KIF4A: variants seen among roughly 807,000 people sequenced by gnomAD.
The protein encoded by KIF4A is kinesin family member 4A, also known as chromosome-associated kinesin KIF4A.
Under a neutral mutation model 105.9 loss-of-function variants are expected in KIF4A, and 7 were observed. The observed-to-expected ratio is 0.07, with a 90% CI of 0.04 to 0.12. KIF4A has a LOEUF of 0.12. Ranked by LOEUF, KIF4A falls within the 10% of genes least tolerant of loss-of-function variation. The pLI is 1.00. For synonymous variants in KIF4A, 281 were observed against 331.3 expected (o/e 0.85, Z 1.65); for missense variants, 558 against 929.2 (o/e 0.60, Z 5.19).
intron 15 of KIF4A, among the ~76,000 whole-genome samples, chrX:70,355,858 C>T (rs769284787): frequency 8.9e-6 from 1 of 111,784 alleles, no homozygotes; most frequent in Non-Finnish European, 1.9e-5. Context: ...AGCTCTCATA[C>T]GTTTTCAGAG....
intron 13 of KIF4A, among the ~76,000 whole-genome samples, chrX:70,344,436 T>A (rs932539366): frequency 1.8e-5 from 2 of 111,660 alleles, no homozygotes; most frequent in Non-Finnish European, 3.8e-5. Flanking sequence ...TAAGTTCCCA[T>A]TTTTGTTTAT....
chrX:70,412,127 TGGCATTCACGC>T (rs762475483), intron 28 of KIF4A, among the ~76,000 whole-genome samples: 2 of 111,693 alleles, frequency 1.8e-5, no homozygotes, highest in East Asian at 5.6e-4. Context: ...CTCATGTACC[TGGCATTCACGC>T]AACTACATCT....
rs2085982011 is a variant in KIF4A at position 70,343,958 on chromosome X, G to T, written c.1407G>T (p.Leu469=). 1 of 1,205,246 alleles carries T rather than the reference G, an allele frequency of 8.3e-7. No homozygotes were observed. Among genetic ancestry groups the T allele is most frequent in the Non-Finnish European group, 1.1e-6 (1 of 889,871 alleles). ...AAAATGTAGAGATAATTTGTAACCT[G>T]CAGCAATTGATTACCCAGTTATCGG... is the stretch of plus-strand genomic sequence containing the variant. ...LKENVEIICN[L]QQLITQLSDE... The change falls in exon 13 of 31, where the codon CTG becomes CTT. Residue 469 remains leucine, a synonymous_variant. Coordinates refer to ENST00000374403, the MANE Select transcript of KIF4A (RefSeq NM_012310.5).
chrX:70,333,071 G>A (rs751005251), intron 9 of KIF4A, among the ~76,000 whole-genome samples: 3 of 111,019 alleles, frequency 2.7e-5, no homozygotes, highest in East Asian at 5.7e-4. Context: ...AGGAGCAGTG[G>A]CTTACATGTG....
chrX:70,408,166 A>G (rs2086307980), intron 28 of KIF4A, among the ~76,000 whole-genome samples: 1 of 111,249 alleles, frequency 9.0e-6, no homozygotes, highest in South Asian at 3.8e-4. Context: ...AGGTCGTAAA[A>G]CTAAGTGATA....
intron 15 of KIF4A, chrX:70,362,247 A>T (rs1200350657): frequency 2.8e-6 from 1 of 359,419 alleles, no homozygotes; most frequent in Non-Finnish European, 5.5e-6. Flanking sequence ...CATTGAGGAG[A>T]TCTTCTCATC....
intron 13 of KIF4A, among the ~76,000 whole-genome samples, chrX:70,345,889 G>A (rs1476779412): frequency 1.8e-5 from 2 of 111,089 alleles, no homozygotes; most frequent in African/African-American, 3.3e-5. Flanking sequence ...TATCAGCAAT[G>A]TAAGCAAAGT....
At chrX:70,400,957 C>T (rs1445747297) in intron 22 of KIF4A, among the ~76,000 whole-genome samples, 1 of 107,889 alleles carries the variant, frequency 9.3e-6, no homozygotes, top group Non-Finnish European at 1.9e-5. Context: ...TTAGTAGATA[C>T]GGGGTTTCAC....
At position 70,294,441 on chromosome X, in the gene KIF4A, C is replaced by T. The variant is rs190166155; in HGVS notation, c.236-2557C>T. On this transcript the variant is annotated intron_variant, in intron 3 of 30. Coordinates refer to ENST00000374403, the MANE Select transcript of KIF4A (RefSeq NM_012310.5). ...ACTAAACACATAAACTAGTAACAATCATTTATTATTATGAAGCGTTACATA... is the reference window on the plus strand; with the variant it reads ...ACTAAACACATAAACTAGTAACAATTATTTATTATTATGAAGCGTTACATA... 9.7e-4 allele frequency among the ~76,000 whole-genome samples: 109 copies of T among 112,578 alleles called. 1 individual carries two copies. Among genetic ancestry groups the T allele is most frequent in the Non-Finnish European group, 1.7e-3 (93 of 53,332 alleles).
In KIF4A at chrX:70,419,306, T is replaced by C. The variant is rs192912503; in HGVS notation, c.3373-355T>C. Among the ~76,000 whole-genome samples, 10 of 112,218 alleles carry C rather than the reference T, an allele frequency of 8.9e-5. No homozygotes were observed. In the East Asian group the frequency reaches 2.5e-3, roughly 28 times the overall value. On this transcript the variant is annotated intron_variant, in intron 29 of 30. Transcript: ENST00000374403. ...TGTCTCTCTCTCGGACTCAGTTTTC[T>C]TAACTGAAAGGAACACCCAGTATGG...
Position 70,405,096 on chromosome X carries a change from C to A in KIF4A, c.2898+274C>A, listed in dbSNP as rs1161104077. ...TGTGGTTCTTGGCGTCAACCCTGAG[C>A]TCTAAAGAGTTGAGGAAGTGAAATC... On this transcript the variant is annotated intron_variant, in intron 25 of 30. Coordinates refer to ENST00000374403, the MANE Select transcript of KIF4A (RefSeq NM_012310.5). 2.7e-5 allele frequency among the ~76,000 whole-genome samples: 3 copies of A among 110,890 alleles called. No homozygotes were observed. The East Asian group carries it at 8.5e-4, about 32-fold the overall frequency.
intron 10 of KIF4A, among the ~76,000 whole-genome samples, chrX:70,335,717 A>G (rs1328678009): frequency 8.9e-6 from 1 of 111,995 alleles, no homozygotes; most frequent in African/African-American, 3.2e-5. Flanking sequence ...TCTCACTTAC[A>G]AGTGGGAGCC....
chrX:70,368,362 T>C (rs921882533), intron 15 of KIF4A, among the ~76,000 whole-genome samples: 4 of 112,172 alleles, frequency 3.6e-5, no homozygotes, highest in African/African-American at 1.3e-4. Context: ...CTCTGTTTTT[T>C]CCCCACCTTT....
At chrX:70,375,508 G>A (rs1438012761) in intron 17 of KIF4A, among the ~76,000 whole-genome samples, 160 bp downstream of exon 17, 1 of 112,024 alleles carries the variant, frequency 8.9e-6, no homozygotes, top group African/African-American at 3.2e-5. Flanking sequence ...GCAGAACATT[G>A]TGCTAGTGGT....
intron 7 of KIF4A, among the ~76,000 whole-genome samples, chrX:70,304,042 A>T (rs1463153767): frequency 1.1e-5 from 1 of 88,078 alleles, no homozygotes; most frequent in African/African-American, 4.2e-5. Context: ...GCACCCATTA[A>T]CTCGTCATTT....
At chrX:70,411,000 T>A (rs2086319751) in intron 28 of KIF4A, among the ~76,000 whole-genome samples, 1 of 112,975 alleles carries the variant, frequency 8.9e-6, no homozygotes, top group South Asian at 3.6e-4. Context: ...GAGGAATATA[T>A]GCAAAAGCAC....
chrX:70,340,571 T>C (rs938332258), intron 10 of KIF4A, among the ~76,000 whole-genome samples: 1 of 112,436 alleles, frequency 8.9e-6, no homozygotes, highest in African/African-American at 3.2e-5. Flanking sequence ...TTAAATTTAC[T>C]AATAGTTTTT....
intron 29 of KIF4A, among the ~76,000 whole-genome samples, chrX:70,419,398 C>G (rs2086357613): frequency 8.9e-6 from 1 of 112,062 alleles, no homozygotes; most frequent in South Asian, 3.7e-4. Context: ...CGAGGCTTGT[C>G]TTTGCTTTAA....
Position 70,341,905 on chromosome X carries a change from G to A in KIF4A, c.1240G>A (p.Ala414Thr). Residue 414 changes from alanine to threonine, a missense_variant, in exon 11 of 31, where the codon GCC becomes ACC. By Grantham distance (58) the Ala-to-Thr change is moderately conservative (BLOSUM62 0). Transcript: ENST00000374403. ...TCTGAGCGAGGCAGCTGGTCAGACA[G>A]CCCAGATGTTGGAGAGGATCATTTT... ...RGLSEAAGQT[A>T]QMLERIILTE... The A allele has an allele frequency of 8.3e-7, 1 of 1,210,506 alleles. No homozygotes were observed. The highest frequency in any genetic ancestry group is 1.8e-5 in the South Asian group (1 of 56,477).
Sources: gnomAD v4.1 joint callset for allele counts (sites outside exome capture counted in the v4.1 genomes callset) on GRCh38, gnomAD v4.1.1 for gene constraint, MANE v1.5 for transcripts, NCBI Gene and HGNC (gene_info 2026-07-23, HGNC 2026-07-21) for gene names.